Variants in TRPC4 observed in about 807,000 individuals in gnomAD.
TRPC4 encodes short transient receptor potential channel 4.
Under a neutral mutation model 99.4 loss-of-function variants are expected in TRPC4, and 49 were observed. The ratio of observed to expected loss-of-function variants is 0.49; its 90% CI spans 0.39 to 0.63. The LOEUF is 0.63. Among genes scored for constraint, TRPC4 ranks in the 20% least tolerant of loss-of-function variants. TRPC4 has a pLI of 0.00. For missense variants in TRPC4, 898 were observed against 1,152.9 expected, an observed-to-expected ratio of 0.78 and a Z score of 3.20; for synonymous variants, 454 against 425.9, an observed-to-expected ratio of 1.07 and a Z score of -0.81.
intron 1 of TRPC4, among the ~76,000 whole-genome samples, chr13:37,791,360 C>T (rs1020201083): frequency 7.0e-6 from 1 of 142,826 alleles, no homozygotes; most frequent in Non-Finnish European, 1.5e-5. Context: ...CGTGCCACTA[C>T]ACTCCAGCCT....
intron 3 of TRPC4, among the ~76,000 whole-genome samples, chr13:37,728,982 T>G (rs1330797048): frequency 6.6e-6 from 1 of 152,024 alleles, no homozygotes; most frequent in Non-Finnish European, 1.5e-5. Context: ...TACACATAAA[T>G]AAGAATGAAG....
chr13:37,807,900 G>A (rs1957569490), intron 1 of TRPC4, among the ~76,000 whole-genome samples: 1 of 152,032 alleles, frequency 6.6e-6, no homozygotes, highest in Non-Finnish European at 1.5e-5. Flanking sequence ...TTAATTTTAA[G>A]TGTGATTTTA....
intron 3 of TRPC4, among the ~76,000 whole-genome samples, chr13:37,723,699 C>T (rs557771357): frequency 6.6e-6 from 1 of 152,178 alleles, no homozygotes; most frequent in East Asian, 1.9e-4. Flanking sequence ...CAGGCACACA[C>T]TACGATGCCC....
At chr13:37,769,483 T>G (rs2139284009) in intron 2 of TRPC4, among the ~76,000 whole-genome samples, 1 of 151,696 alleles carries the variant, frequency 6.6e-6, no homozygotes, top group Non-Finnish European at 1.5e-5. Context: ...ATCATGATTT[T>G]TTCCTTCTCT....
chr13:37,770,089 C>T (rs1384569830), intron 2 of TRPC4, among the ~76,000 whole-genome samples: 3 of 151,440 alleles, frequency 2.0e-5, no homozygotes, highest in African/African-American at 7.3e-5. Context: ...AAACAAACCT[C>T]AAAATATTTA....
intron 1 of TRPC4, among the ~76,000 whole-genome samples, chr13:37,803,676 A>G (rs671626): frequency 0.3 from 45,473 of 151,986 alleles, 6,953 homozygotes; most frequent in East Asian, 0.43. Context: ...ATGGGACATA[A>G]AAACAGAAGA....
Position 37,639,318 on chromosome 13 carries a change from T to C in TRPC4, c.2080-19A>G. ...CTCGCCTCTGAAAAGGAAAAGGACA[T>C]TCCTTTCTGGTTATACTGTTATATT... On this transcript the variant is annotated intron_variant, in intron 8 of 10. Transcript: ENST00000379705. 6.2e-7 allele frequency: 1 copy of C among 1,612,944 alleles called. No individual in the cohort carries two copies. Among genetic ancestry groups the C allele is most frequent in the Non-Finnish European group, 8.5e-7 (1 of 1,179,096 alleles).
intron 1 of TRPC4, among the ~76,000 whole-genome samples, chr13:37,831,776 C>T (rs1958426478): frequency 6.6e-6 from 1 of 152,050 alleles, no homozygotes; most frequent in South Asian, 2.1e-4. Flanking sequence ...ATGAAATAAT[C>T]CGAGCACAGA....
At chr13:37,756,986 A>G (rs2139220392) in intron 2 of TRPC4, among the ~76,000 whole-genome samples, 1 of 152,192 alleles carries the variant, frequency 6.6e-6, no homozygotes, top group Non-Finnish European at 1.5e-5. Context: ...ATTTCTTTGG[A>G]GATCTGAAGC....
intron 3 of TRPC4, among the ~76,000 whole-genome samples, chr13:37,745,456 A>ATATATATATATATATGCG (rs1955719462): frequency 2.0e-3 from 6 of 3,010 alleles, no homozygotes; most frequent in Admixed American, 0.014. Flanking sequence ...ATATATATAT[A>ATATATATATATATATGCG]TATATATATA....
intron 1 of TRPC4, among the ~76,000 whole-genome samples, chr13:37,850,389 C>T (rs1323027102): frequency 1.3e-5 from 2 of 152,154 alleles, no homozygotes; most frequent in African/African-American, 2.4e-5. Context: ...GTTTTATCTA[C>T]AATTTGTTAT....
At chr13:37,780,401 T>A (rs921576776) in intron 2 of TRPC4, among the ~76,000 whole-genome samples, 2 of 152,064 alleles carry the variant, frequency 1.3e-5, no homozygotes, top group Non-Finnish European at 2.9e-5. Flanking sequence ...TCAGGTTTTA[T>A]CATTTGGCCT....
chr13:37,776,050 A>T (rs1956692840), intron 2 of TRPC4, among the ~76,000 whole-genome samples: 1 of 151,850 alleles, frequency 6.6e-6, no homozygotes, highest in African/African-American at 2.4e-5. Flanking sequence ...TCATACTAAT[A>T]GTGCAGCATG....
chr13:37,745,453 TATATATATATATATATATATACAC>T (rs1049337537), intron 3 of TRPC4, among the ~76,000 whole-genome samples: 1 of 3,254 alleles, frequency 3.1e-4, no homozygotes, highest in Admixed American at 9.1e-3. Context: ...TATATATATA[TATATATATATATATATATATACAC>T]ACACACACAC....
intron 4 of TRPC4, among the ~76,000 whole-genome samples, chr13:37,676,539 A>AT (rs1397303181): frequency 4.6e-5 from 7 of 151,936 alleles, no homozygotes; most frequent in Non-Finnish European, 1.0e-4. Flanking sequence ...CATCCGGCTA[A>AT]TTTTTTGTAT....
chr13:37,776,776 TA>T (rs1956717784), intron 2 of TRPC4, among the ~76,000 whole-genome samples: 1 of 151,936 alleles, frequency 6.6e-6, no homozygotes, highest in African/African-American at 2.4e-5. Context: ...ATACAAGAGT[TA>T]AAAGTGAAGT....
chr13:37,740,096 C>T (rs1464288265), intron 3 of TRPC4, among the ~76,000 whole-genome samples: 1 of 152,132 alleles, frequency 6.6e-6, no homozygotes, highest in East Asian at 1.9e-4. Context: ...TGTTTCCCAA[C>T]ACCAACCCAA....
intron 8 of TRPC4, among the ~76,000 whole-genome samples, chr13:37,641,509 C>T (rs767771341): frequency 6.6e-6 from 1 of 152,180 alleles, no homozygotes; most frequent in Non-Finnish European, 1.5e-5. Flanking sequence ...TAACTGTCTT[C>T]TGAACCTAAA....
intron 3 of TRPC4, among the ~76,000 whole-genome samples, chr13:37,704,761 C>T (rs1954211741): frequency 6.6e-6 from 1 of 152,164 alleles, no homozygotes; most frequent in Non-Finnish European, 1.5e-5. Flanking sequence ...AGCCTCTTTA[C>T]TTTCTCTTGT....
Sources: gnomAD v4.1 joint callset for allele counts (sites outside exome capture counted in the v4.1 genomes callset) on GRCh38, gnomAD v4.1.1 for gene constraint, MANE v1.5 for transcripts, NCBI Gene and HGNC (gene_info 2026-07-23, HGNC 2026-07-21) for gene names.